LRRC4C: variants seen among roughly 807,000 people sequenced by gnomAD.
LRRC4C encodes the protein leucine rich repeat containing 4C, also known as leucine-rich repeat-containing protein 4C.
LRRC4C carries 5 observed loss-of-function variants against 33.6 expected under a neutral mutation model. The ratio of observed to expected loss-of-function variants is 0.15; its 90% CI spans 0.08 to 0.31. The LOEUF is 0.31. LRRC4C is among the 10% of genes least tolerant of loss of function. The pLI is 1.00. For missense variants in LRRC4C, 560 were observed against 796.7 expected, an observed-to-expected ratio of 0.70 and a Z score of 3.58; for synonymous variants, 329 against 302.0, an observed-to-expected ratio of 1.09 and a Z score of -0.93.
At chr11:40,803,199 A>T (rs1205001051) in intron 2 of LRRC4C, among the ~76,000 whole-genome samples, 2 of 152,224 alleles carry the variant, frequency 1.3e-5, no homozygotes, top group Non-Finnish European at 2.9e-5. Flanking sequence ...TTAATTCATC[A>T]ACAGTCCTAA....
intron 2 of LRRC4C, among the ~76,000 whole-genome samples, chr11:40,834,386 G>A (rs571984369): frequency 6.6e-5 from 10 of 151,486 alleles, no homozygotes; most frequent in South Asian, 2.1e-4. Context: ...CAGGAGAATC[G>A]CTTGAATTCG....
At position 41,317,834 on chromosome 11, in the gene LRRC4C, C is replaced by T. The variant is rs573486811; in HGVS notation, c.-496+141597G>A. 2.2e-3 allele frequency among the ~76,000 whole-genome samples: 327 copies of T among 152,046 alleles called. 5 individuals carry two copies. Among genetic ancestry groups the T allele is most frequent in the Non-Finnish European group, 6.2e-4 (42 of 67,988 alleles). On this transcript the variant is annotated intron_variant, in intron 1 of 6. Coordinates refer to ENST00000528697, the MANE Select transcript of LRRC4C (RefSeq NM_001258419.2). ...TATGGTCATCTATTGAAAGCTTTAA[C>T]AATATATTAGCATTTTGAAATGGTA...
chr11:41,062,192 C>T (rs1377390292), intron 1 of LRRC4C, among the ~76,000 whole-genome samples: 2 of 152,134 alleles, frequency 1.3e-5, no homozygotes, highest in Non-Finnish European at 2.9e-5. Context: ...ATTTCATCAC[C>T]CAGGTATTAA....
intron 3 of LRRC4C, among the ~76,000 whole-genome samples, chr11:40,465,812 G>A (rs1952623731): frequency 6.6e-6 from 1 of 151,892 alleles, no homozygotes; most frequent in Admixed American, 6.6e-5. Flanking sequence ...AAAAGGGAAT[G>A]TTTATATTGG....
intron 1 of LRRC4C, among the ~76,000 whole-genome samples, chr11:40,984,433 A>G (rs902689233): frequency 6.9e-6 from 1 of 145,216 alleles, no homozygotes; most frequent in Non-Finnish European, 1.5e-5. Context: ...AAGAAAGAGA[A>G]AAAGAAAGAA....
At chr11:40,343,402 G>T (rs548644225) in intron 3 of LRRC4C, among the ~76,000 whole-genome samples, 1 of 151,898 alleles carries the variant, frequency 6.6e-6, no homozygotes, top group African/African-American at 2.4e-5. Context: ...ATGCAGGATT[G>T]TTTTTTAGGT....
intron 1 of LRRC4C, among the ~76,000 whole-genome samples, chr11:41,440,551 T>TA (rs1404750355): frequency 6.6e-6 from 1 of 151,830 alleles, no homozygotes; most frequent in Non-Finnish European, 1.5e-5. Flanking sequence ...ATGTTTTTTT[T>TA]AAAAAAAAGT....
intron 3 of LRRC4C, among the ~76,000 whole-genome samples, chr11:40,466,953 T>C (rs1253071637): frequency 2.0e-5 from 3 of 152,168 alleles, no homozygotes; most frequent in African/African-American, 7.2e-5. Flanking sequence ...AATTTACATT[T>C]TCATAAATTG....
At chr11:40,653,366 G>T (rs1591378593) in intron 2 of LRRC4C, among the ~76,000 whole-genome samples, 1 of 152,290 alleles carries the variant, frequency 6.6e-6, no homozygotes, top group East Asian at 1.9e-4. Context: ...CCAGGTTGAG[G>T]TGGTCTCAAA....
intron 3 of LRRC4C, among the ~76,000 whole-genome samples, chr11:40,456,027 C>A (rs891790864): frequency 6.6e-5 from 10 of 152,074 alleles, no homozygotes; most frequent in Middle Eastern, 3.2e-3. Context: ...CTCTTGAGAC[C>A]TACATCTTTT....
intron 1 of LRRC4C, among the ~76,000 whole-genome samples, chr11:41,310,045 G>A (rs1468996397): frequency 6.6e-6 from 1 of 152,110 alleles, no homozygotes; most frequent in African/African-American, 2.4e-5. Context: ...CTGTCTCAAT[G>A]AGTTTTATTT....
chr11:41,236,637 A>C (rs1480636468), intron 1 of LRRC4C, among the ~76,000 whole-genome samples: 4 of 152,032 alleles, frequency 2.6e-5, no homozygotes, highest in Admixed American at 6.6e-5. Flanking sequence ...TTGATTGGTG[A>C]ATTTTGGTAA....
At chr11:40,935,916 A>G (rs1294235859) in intron 1 of LRRC4C, among the ~76,000 whole-genome samples, 1 of 149,798 alleles carries the variant, frequency 6.7e-6, no homozygotes, top group Admixed American at 6.7e-5. Flanking sequence ...TAGAGTAATA[A>G]CACATTCTCC....
chr11:40,733,654 C>A (rs566380169), intron 2 of LRRC4C, among the ~76,000 whole-genome samples: 2 of 152,134 alleles, frequency 1.3e-5, no homozygotes, highest in African/African-American at 2.4e-5. Flanking sequence ...CAGTCCTTTA[C>A]GCTAGACTTT....
intron 1 of LRRC4C, among the ~76,000 whole-genome samples, chr11:41,323,696 G>T (rs2922023): frequency 0.39 from 59,510 of 151,992 alleles, 12,852 homozygotes; most frequent in Non-Finnish European, 0.48. Context: ...ACATTGGCAG[G>T]ACTGAAGCCC....
At chr11:41,330,209 T>C (rs1182753937) in intron 1 of LRRC4C, among the ~76,000 whole-genome samples, 3 of 152,214 alleles carry the variant, frequency 2.0e-5, no homozygotes, top group Non-Finnish European at 1.5e-5. Context: ...TTTACTTCCT[T>C]ATTGTAACTG....
intron 1 of LRRC4C, among the ~76,000 whole-genome samples, chr11:41,124,568 C>T (rs1942644739): frequency 6.7e-6 from 1 of 148,686 alleles, no homozygotes; most frequent in East Asian, 2.0e-4. Context: ...TCAGATTCTA[C>T]ACTGCTTCTT....
intron 1 of LRRC4C, among the ~76,000 whole-genome samples, chr11:41,186,982 T>G (rs528758312): frequency 6.6e-6 from 1 of 152,202 alleles, no homozygotes; most frequent in Non-Finnish European, 1.5e-5. Context: ...TTTTTAATTA[T>G]ATACACCTGG....
intron 3 of LRRC4C, among the ~76,000 whole-genome samples, chr11:40,490,364 C>A (rs1302530618): frequency 2.6e-5 from 4 of 152,102 alleles, no homozygotes; most frequent in Non-Finnish European, 5.9e-5. Context: ...GGACATGACA[C>A]AATGTCAAGC....
Sources: gnomAD v4.1 joint callset for allele counts (sites outside exome capture counted in the v4.1 genomes callset) on GRCh38, gnomAD v4.1.1 for gene constraint, MANE v1.5 for transcripts, NCBI Gene and HGNC (gene_info 2026-07-23, HGNC 2026-07-21) for gene names.